The following AKT3 variants were observed in gnomAD, a reference collection of about 807,000 sequenced individuals.
AKT3 encodes RAC-gamma serine/threonine-protein kinase.
Under a neutral mutation model 65.3 loss-of-function variants are expected in AKT3, and 15 were observed. The ratio of observed to expected loss-of-function variants is 0.23; its 90% confidence interval spans 0.15 to 0.35. The LOEUF is 0.35. Among genes scored for constraint, AKT3 ranks in the 10% least tolerant of loss-of-function variants. AKT3 has a pLI of 1.00. For missense variants in AKT3, 243 were observed against 576.5 expected (o/e 0.42, Z 5.92); for synonymous variants, 206 against 183.8 (o/e 1.12, Z -0.98).
At chr1:243,702,109 CAA>C (rs148524776) in intron 2 of AKT3, among the ~76,000 whole-genome samples, 75,381 of 124,372 alleles carry the variant, frequency 0.61, 20,969 homozygotes, top group East Asian at 0.69. Flanking sequence ...AGAATTTATG[CAA>C]AAAAAAAAAA....
chr1:243,498,666 A>C (rs9428575), downstream of AKT3, among the ~76,000 whole-genome samples: 1 of 152,332 alleles, frequency 6.6e-6, no homozygotes, highest in East Asian at 1.9e-4. Context: ...GCTGATGTTC[A>C]TATATTTCTC....
intron 9 of AKT3, among the ~76,000 whole-genome samples, chr1:243,564,762 C>A (rs564502740): frequency 9.9e-5 from 15 of 152,214 alleles, no homozygotes; most frequent in African/African-American, 3.6e-4. Flanking sequence ...TAGACACAAC[C>A]TAAAGGTATT....
Position 243,845,599 on chromosome 1 carries a change from A to AAAAAAAAG in AKT3, c.-112-2318_-112-2317insCTTTTTTT, listed in dbSNP as rs1056722848. On this transcript the variant is annotated intron_variant, in intron 1 of 13. Transcript: ENST00000673466. ...GTGAGAACCTGTCTCAAAAAAAAAAAAAAAGAAAAGAAAAGAAAAAGAATT... is the reference window on the plus strand; with the variant it reads ...GTGAGAACCTGTCTCAAAAAAAAAAAAAAAAAAGAAAAGAAAAGAAAAGAAAAAGAATT... 3.8e-3 allele frequency among the ~76,000 whole-genome samples: 552 copies of AAAAAAAAG among 146,512 alleles called. 2 individuals are homozygous for AAAAAAAAG. Among genetic ancestry groups the AAAAAAAAG allele is most frequent in the Middle Eastern group, 7.0e-3 (2 of 286 alleles).
intron 12 of AKT3, among the ~76,000 whole-genome samples, chr1:243,528,512 CCTCT>C (rs943177806): frequency 2.0e-5 from 3 of 152,100 alleles, no homozygotes; most frequent in Admixed American, 6.5e-5. Flanking sequence ...GTCTGCTCTT[CCTCT>C]CTTTGTGTTG....
At chr1:243,786,967 G>C (rs915336613) in intron 2 of AKT3, among the ~76,000 whole-genome samples, 6 of 152,208 alleles carry the variant, frequency 3.9e-5, no homozygotes, top group African/African-American at 1.4e-4. Context: ...TGAGAACACA[G>C]TGTGTATTCT....
At chr1:243,624,671 A>T (rs920988736) in intron 6 of AKT3, 2 of 199,532 alleles carry the variant, frequency 1.0e-5, no homozygotes, top group Non-Finnish European at 2.2e-5. Context: ...ATGCCTTCTT[A>T]TAGTGGTGAA....
rs1246056081 is a variant in AKT3, at chr1:243,545,667, T to C, written c.1164-70A>G. 5.1e-6 allele frequency: 6 copies of C among 1,166,274 alleles called. No individual in the cohort carries two copies. In the Admixed American group the frequency reaches 9.6e-5, roughly 19 times the overall value. The allele number at this position is 1,166,274 out of a possible 1,614,324, so 72.2% of individuals were successfully genotyped here. A position where few individuals can be genotyped will look rare whatever the true frequency, so the allele number is the denominator to read the frequency against. On this transcript the variant is annotated intron_variant, in intron 11 of 13. Coordinates refer to ENST00000673466, the MANE Select transcript of AKT3 (RefSeq NM_005465.7). ...TAAGCTCAAAGCATAACAAAAAATA[T>C]TTTGTGAAAGTGTAATTTTCTGTGT...
chr1:243,795,250 G>A (rs938139723), intron 2 of AKT3, among the ~76,000 whole-genome samples: 5 of 151,644 alleles, frequency 3.3e-5, no homozygotes, highest in Admixed American at 6.6e-5. Context: ...GATCTGTGTG[G>A]GAAAACAGGG....
At chr1:243,728,405 T>C (rs546881704) in intron 2 of AKT3, among the ~76,000 whole-genome samples, 61 of 152,292 alleles carry the variant, frequency 4.0e-4, no homozygotes, top group African/African-American at 1.4e-3. Context: ...ACTCTATCTA[T>C]AGGTTGTGAG....
intron 5 of AKT3, among the ~76,000 whole-genome samples, chr1:243,645,649 G>C (rs931797855): frequency 6.6e-6 from 1 of 152,204 alleles, no homozygotes; most frequent in Non-Finnish European, 1.5e-5. Context: ...AAAGTAGTGT[G>C]ATGGCACATC....
intron 2 of AKT3, among the ~76,000 whole-genome samples, chr1:243,836,499 T>G (rs566101921): frequency 2.7e-5 from 4 of 147,554 alleles, no homozygotes; most frequent in Admixed American, 1.3e-4. Context: ...AGTGAAGACA[T>G]AGAAGACTAT....
chr1:243,813,610 AG>A (rs769583629), intron 2 of AKT3, among the ~76,000 whole-genome samples: 33 of 152,190 alleles, frequency 2.2e-4, no homozygotes, highest in Non-Finnish European at 4.4e-4. Flanking sequence ...AACCAAATAT[AG>A]TGTAAGGACC....
chr1:243,657,550 T>C (rs1412702703), intron 4 of AKT3, among the ~76,000 whole-genome samples: 1 of 152,154 alleles, frequency 6.6e-6, no homozygotes, highest in Non-Finnish European at 1.5e-5. Flanking sequence ...AGGTTTAATA[T>C]TGTTAAGATG....
chr1:243,697,392 T>C (rs1489772600), intron 2 of AKT3, among the ~76,000 whole-genome samples: 1 of 151,932 alleles, frequency 6.6e-6, no homozygotes, highest in Non-Finnish European at 1.5e-5. Flanking sequence ...CAAAGAGATA[T>C]GAAGCTGAAA....
intron 3 of AKT3, 101 bp from the exon 4 acceptor site, chr1:243,664,984 G>A (rs1007378768): frequency 1.8e-5 from 9 of 490,050 alleles, no homozygotes; most frequent in Admixed American, 4.2e-5. Flanking sequence ...AACCCAGTGC[G>A]AACTCACAGC....
intron 2 of AKT3, among the ~76,000 whole-genome samples, chr1:243,805,261 A>G (rs1692652431): frequency 6.6e-6 from 1 of 151,964 alleles, no homozygotes; most frequent in South Asian, 2.1e-4. Context: ...CTCTGGACCA[A>G]CTGGGAGTTT....
intron 2 of AKT3, among the ~76,000 whole-genome samples, chr1:243,788,346 C>G (rs1691397051): frequency 6.6e-6 from 1 of 152,116 alleles, no homozygotes; most frequent in Non-Finnish European, 1.5e-5. Context: ...AATGATCATC[C>G]TAGGTATATT....
chr1:243,850,629 GA>G (rs1456436255), upstream of AKT3, among the ~76,000 whole-genome samples: 1 of 137,952 alleles, frequency 7.2e-6, no homozygotes, highest in Non-Finnish European at 1.5e-5. Context: ...TGACTTTGAG[GA>G]AAACTCCTGA....
intron 2 of AKT3, among the ~76,000 whole-genome samples, chr1:243,759,557 A>T (rs1174784967): frequency 6.6e-6 from 1 of 152,008 alleles, no homozygotes; most frequent in South Asian, 2.1e-4. Context: ...AAAGAAAAAA[A>T]AAATAAAAAT....
Sources: allele counts gnomAD v4.1 joint callset (sites outside exome capture counted in the v4.1 genomes callset), GRCh38; gene constraint gnomAD v4.1.1; transcripts MANE v1.5; gene names NCBI Gene and HGNC (gene_info 2026-07-23, HGNC 2026-07-21).